The following PCDHGA5 variants were observed in gnomAD, a reference collection of about 807,000 sequenced individuals.
PCDHGA5 encodes protocadherin gamma-A5.
In PCDHGA5, 36 loss-of-function variants were observed where a neutral mutation model predicts 56.7. The ratio of observed to expected loss-of-function variants is 0.64; its 90% CI spans 0.49 to 0.84. PCDHGA5 has a LOEUF of 0.84. PCDHGA5 is among the 40% of genes least tolerant of loss of function. PCDHGA5 has a pLI of 0.00. For synonymous variants in PCDHGA5, 563 were observed against 520.2 expected (o/e 1.08, Z -1.12); for missense variants, 1,305 against 1,201.5 (o/e 1.09, Z -1.27).
At chr5:141,371,220 G>T in intron 1 of PCDHGA5, 2 of 1,613,994 alleles carry the variant, frequency 1.2e-6, no homozygotes, top group Non-Finnish European at 1.7e-6. Flanking sequence ...CATCAATGCC[G>T]AAATCATCTA....
chr5:141,419,192 G>A (rs772847766), intron 1 of PCDHGA5: 65 of 1,613,816 alleles, frequency 4.0e-5, no homozygotes, highest in Middle Eastern at 1.6e-4. Context: ...CATTACTGAC[G>A]TCAATGACAA....
intron 1 of PCDHGA5, chr5:141,415,317 G>T (rs778236674): frequency 6.2e-7 from 1 of 1,614,218 alleles, no homozygotes; most frequent in Non-Finnish European, 8.5e-7. Flanking sequence ...TCGTCATCGT[G>T]CTGCTGGCGC....
chr5:141,410,450 T>G, intron 1 of PCDHGA5: 1 of 1,614,052 alleles, frequency 6.2e-7, no homozygotes, highest in Non-Finnish European at 8.5e-7. Flanking sequence ...GACTTTGCCT[T>G]ATTCTTATAA....
intron 1 of PCDHGA5, chr5:141,372,377 C>A (rs1006605507): frequency 6.2e-7 from 1 of 1,613,996 alleles, no homozygotes; most frequent in Non-Finnish European, 8.5e-7. Flanking sequence ...TCATGCTGCA[C>A]CTAATCTTCG....
chr5:141,365,993 C>T lies in PCDHGA5; in HGVS notation c.1663C>T (p.Gln555Ter), dbSNP rs1267153888. The part of the protein sequence containing the change: ...NVSLSLFVLD[Q>*]NDNTPEILYP... ...GTCGCTGAGCCTGTTTGTGCTGGAC[C>T]AGAACGACAATACGCCTGAGATCCT... Residue 555 changes from glutamine to a stop codon, truncating the protein, a stop_gained, in exon 1 of 4, where the codon CAG becomes TAG. Coordinates refer to ENST00000518069, the MANE Select transcript of PCDHGA5 (RefSeq NM_018918.3). LOFTEE classifies it high-confidence loss of function. 1 of 1,614,110 alleles carries T rather than the reference C, an allele frequency of 6.2e-7. No individual in the cohort carries two copies. The highest frequency in any genetic ancestry group is 8.5e-7 in the Non-Finnish European group (1 of 1,180,060).
chr5:141,489,864 T>G lies in PCDHGA5; in HGVS notation c.2422-4943T>G, dbSNP rs1274301673. ...TGGATCGTGAAGCCCAGGCAAGACA[T>G]CAGCTGGTGCTTACTGCTGTGGATG... On this transcript the variant is annotated intron_variant, in intron 1 of 3. Coordinates refer to ENST00000518069, the MANE Select transcript of PCDHGA5 (RefSeq NM_018918.3). This position sits in a 1 kb window ranked among gnomAD's most constrained non-coding sequence, Gnocchi z 4.5. 5 of 1,614,064 alleles carry G rather than the reference T, an allele frequency of 3.1e-6. No individual in the cohort carries two copies. The highest frequency in any genetic ancestry group is 3.4e-6 in the Non-Finnish European group (4 of 1,180,022).
chr5:141,370,807 C>T lies in PCDHGA5; in HGVS notation c.2421+4056C>T. 2 of 1,614,036 alleles carry T rather than the reference C, an allele frequency of 1.2e-6. No homozygotes were observed. Among genetic ancestry groups the T allele is most frequent in the Non-Finnish European group, 1.7e-6 (2 of 1,179,902 alleles). On this transcript the variant is annotated intron_variant, in intron 1 of 3. Coordinates refer to ENST00000518069, the MANE Select transcript of PCDHGA5 (RefSeq NM_018918.3). ...CCACCGACCTTTAGCCAAAATATCA[C>T]TGAGCTGGAAATCAGCGAACTGGCT...
intron 1 of PCDHGA5, chr5:141,411,225 GC>G (rs1253575140): frequency 1.3e-5 from 2 of 152,092 alleles, no homozygotes; most frequent in African/African-American, 4.8e-5. Flanking sequence ...ATTCAAATTT[GC>G]GAAGACTTAG....
chr5:141,447,979 G>A (rs888759756), intron 1 of PCDHGA5, among the ~76,000 whole-genome samples: 15 of 151,814 alleles, frequency 9.9e-5, no homozygotes, highest in Admixed American at 5.9e-4. Context: ...CCAGCTACTC[G>A]GGAGGCTGAG....
rs776330769 is a variant in PCDHGA5 at position 141,413,206 on chromosome 5, T to G, written c.2421+46455T>G. The stretch of plus-strand genomic sequence containing the variant: ...CGCTCAAAGGAATCGCTCAAAGGAA[T>G]CAAAGGATTGCAGCGGGCTGGTCCT... On this transcript the variant is annotated intron_variant, in intron 1 of 3. Transcript: ENST00000518069. 4.3e-6 allele frequency: 7 copies of G among 1,612,936 alleles called. 1 individual carries two copies. In the South Asian group the frequency reaches 7.7e-5, roughly 18 times the overall value.
chr5:141,473,655 G>A (rs2099326380), intron 1 of PCDHGA5, among the ~76,000 whole-genome samples: 1 of 152,182 alleles, frequency 6.6e-6, no homozygotes, highest in Non-Finnish European at 1.5e-5. Context: ...AACAATTTGT[G>A]TGAAGGCCCT....
At position 141,432,643 on chromosome 5, in the gene PCDHGA5, G is replaced by A. The variant is rs2097523971; in HGVS notation, c.2422-62164G>A. 15 of 1,613,754 alleles carry A rather than the reference G, an allele frequency of 9.3e-6. No homozygotes were observed. Among genetic ancestry groups the A allele is most frequent in the East Asian group, 4.5e-5 (2 of 44,860 alleles). ...GTCTGCACACGGGCGAGGTGCGCAC[G>A]GCGCGAGCCCTGCTGGACAGAGACG... On this transcript the variant is annotated intron_variant, in intron 1 of 3. Coordinates refer to ENST00000518069, the MANE Select transcript of PCDHGA5 (RefSeq NM_018918.3). This position sits in a 1 kb window ranked among gnomAD's most constrained non-coding sequence, Gnocchi z 6.0.
chr5:141,384,594 G>A (rs769496358), intron 1 of PCDHGA5: 6 of 1,614,162 alleles, frequency 3.7e-6, no homozygotes, highest in East Asian at 2.2e-5. Context: ...TCCTGTACCC[G>A]GCCCTCCCCA....
At chr5:141,389,927 C>A (rs2091975121) in intron 1 of PCDHGA5, 2 of 1,613,944 alleles carry the variant, frequency 1.2e-6, no homozygotes, top group African/African-American at 2.7e-5. Flanking sequence ...ACCCCTCTGA[C>A]CTCCAGGCTG....
intron 1 of PCDHGA5, chr5:141,394,974 A>T: frequency 6.2e-7 from 1 of 1,613,852 alleles, no homozygotes; most frequent in Non-Finnish European, 8.5e-7. Context: ...GCGCTGGCAC[A>T]AGTCACGCCT....
At chr5:141,373,905 A>G (rs947607007) in intron 1 of PCDHGA5, 1 of 603,766 alleles carries the variant, frequency 1.7e-6, no homozygotes, top group Non-Finnish European at 2.7e-6. Context: ...TACATCCTCC[A>G]ACAACAAAGC....
intron 1 of PCDHGA5, chr5:141,375,861 C>T (rs567912144): frequency 1.9e-6 from 3 of 1,613,986 alleles, no homozygotes; most frequent in Middle Eastern, 1.7e-4. Flanking sequence ...AAGGTGGTGG[C>T]GGTGGACAGA....
intron 1 of PCDHGA5, chr5:141,376,564 A>T: frequency 1.2e-6 from 2 of 1,607,478 alleles, no homozygotes; most frequent in East Asian, 4.5e-5. Flanking sequence ...CAACCCAACT[A>T]ATCAGACAGG....
At chr5:141,506,237 T>G (rs558256375) in intron 3 of PCDHGA5, among the ~76,000 whole-genome samples, 1 of 152,014 alleles carries the variant, frequency 6.6e-6, no homozygotes, top group South Asian at 2.1e-4. Flanking sequence ...GATCATGAGG[T>G]CAGGAGTTCG....
Sources: allele counts gnomAD v4.1 joint callset (sites outside exome capture counted in the v4.1 genomes callset), GRCh38; gene constraint gnomAD v4.1.1; non-coding constraint Gnocchi (gnomAD v3.1); transcripts MANE v1.5; gene names NCBI Gene and HGNC (gene_info 2026-07-23, HGNC 2026-07-21).